The following DLGAP2 variants were observed in gnomAD, a reference collection of about 807,000 sequenced individuals.
The protein encoded by DLGAP2 is DLG associated protein 2.
DLGAP2 carries 26 observed loss-of-function variants against 100.3 expected under a neutral mutation model. The observed-to-expected ratio is 0.26, with a 90% CI of 0.19 to 0.36. The LOEUF is 0.36. Among genes scored for constraint, DLGAP2 ranks in the 10% least tolerant of loss-of-function variants. The pLI is 1.00. For missense variants in DLGAP2, 1,858 were observed against 1,453.2 expected, an observed-to-expected ratio of 1.28 and a Z score of -4.53; for synonymous variants, 886 against 630.1, an observed-to-expected ratio of 1.41 and a Z score of -6.08.
chr8:973,169 C>T lies in DLGAP2; in HGVS notation c.73+65203C>T, dbSNP rs570062626. Among the ~76,000 whole-genome samples, 4 of 152,280 alleles carry T rather than the reference C, an allele frequency of 2.6e-5. No homozygotes were observed. In the South Asian group the frequency reaches 8.3e-4, roughly 32 times the overall value. On this transcript the variant is annotated intron_variant, in intron 2 of 14. Coordinates refer to ENST00000637795, the MANE Select transcript of DLGAP2 (RefSeq NM_001346810.2). ...ATGGGGTGGCGGCAGGGCAGAGGGG[C>T]TCCTCACTTCCCAGAAGGGGCGGCC...
At chr8:977,800 T>G (rs13251136) in intron 2 of DLGAP2, among the ~76,000 whole-genome samples, 6,441 of 24,824 alleles carry the variant, frequency 0.26, 317 homozygotes, top group Admixed American at 0.35. Context: ...TGCAGTGAGG[T>G]GCTGGGTTCT....
intron 2 of DLGAP2, among the ~76,000 whole-genome samples, chr8:1,123,126 T>G (rs1353743240): frequency 6.6e-6 from 1 of 152,250 alleles, no homozygotes; most frequent in Non-Finnish European, 1.5e-5. Flanking sequence ...GAGAATAAGT[T>G]TCGCTCAGAA....
intron 2 of DLGAP2, among the ~76,000 whole-genome samples, chr8:1,135,171 A>G (rs1175603895): frequency 1.3e-5 from 2 of 152,172 alleles, no homozygotes; most frequent in East Asian, 3.9e-4. Flanking sequence ...ATAAAATTAC[A>G]AGTATAGGCA....
At chr8:836,220 C>A (rs1251185492) in intron 1 of DLGAP2, among the ~76,000 whole-genome samples, 1 of 152,216 alleles carries the variant, frequency 6.6e-6, no homozygotes, top group Non-Finnish European at 1.5e-5. Context: ...AAAGCCCCGG[C>A]CGCCTCCTGC....
At chr8:765,643 T>C (rs1342091000) in intron 1 of DLGAP2, among the ~76,000 whole-genome samples, 1 of 152,126 alleles carries the variant, frequency 6.6e-6, no homozygotes, top group East Asian at 1.9e-4. Context: ...TTTTGTATAA[T>C]ATAAACAAGG....
intron 3 of DLGAP2, among the ~76,000 whole-genome samples, chr8:1,477,131 A>T (rs1414274665): frequency 6.7e-6 from 1 of 149,900 alleles, no homozygotes; most frequent in Non-Finnish European, 1.5e-5. Flanking sequence ...AGAGGGCTTG[A>T]CCCACCTGCT....
intron 2 of DLGAP2, among the ~76,000 whole-genome samples, chr8:1,223,235 T>C (rs1798352299): frequency 6.6e-6 from 1 of 152,174 alleles, no homozygotes; most frequent in Admixed American, 6.5e-5. Flanking sequence ...CTTCCTCCCC[T>C]TTCAGCCAGG....
At chr8:1,605,068 C>T (rs766966873) in intron 6 of DLGAP2, among the ~76,000 whole-genome samples, 3 of 152,198 alleles carry the variant, frequency 2.0e-5, no homozygotes, top group African/African-American at 4.8e-5. Context: ...CAGCCAACCT[C>T]GGTGCCATCG....
chr8:931,550 G>A (rs1420367143), intron 2 of DLGAP2, among the ~76,000 whole-genome samples: 4 of 152,176 alleles, frequency 2.6e-5, no homozygotes, highest in Non-Finnish European at 4.4e-5. Context: ...TTGTCATGAT[G>A]TTCTTCCTGC....
intron 2 of DLGAP2, among the ~76,000 whole-genome samples, chr8:1,098,107 G>T (rs1804448862): frequency 6.6e-6 from 1 of 152,254 alleles, no homozygotes; most frequent in South Asian, 2.1e-4. Flanking sequence ...TCTGCTCTCA[G>T]CAAACGTTGG....
chr8:1,192,455 G>A (rs1047642099), intron 2 of DLGAP2, among the ~76,000 whole-genome samples: 4 of 152,050 alleles, frequency 2.6e-5, no homozygotes, highest in Non-Finnish European at 4.4e-5. Flanking sequence ...AGAATATGAT[G>A]TGTTGCTATG....
intron 1 of DLGAP2, among the ~76,000 whole-genome samples, chr8:848,351 C>G (rs567499580): frequency 8.2e-6 from 1 of 122,216 alleles, no homozygotes; most frequent in Non-Finnish European, 1.9e-5. Flanking sequence ...AGTATAGGAA[C>G]GTGCGGTGCC....
chr8:1,429,830 A>G (rs1584891984), intron 3 of DLGAP2, among the ~76,000 whole-genome samples: 2 of 150,804 alleles, frequency 1.3e-5, no homozygotes, highest in Admixed American at 6.6e-5. Flanking sequence ...CTTAAAAAAA[A>G]TAAGCAGTAT....
intron 2 of DLGAP2, among the ~76,000 whole-genome samples, chr8:1,206,792 G>A (rs1365288990): frequency 6.6e-6 from 1 of 152,150 alleles, no homozygotes; most frequent in African/African-American, 2.4e-5. Context: ...ACCATTCTTT[G>A]TCTGCACCTG....
intron 2 of DLGAP2, among the ~76,000 whole-genome samples, chr8:1,112,565 T>C (rs1348466671): frequency 6.6e-6 from 1 of 152,120 alleles, no homozygotes; most frequent in East Asian, 1.9e-4. Flanking sequence ...TTTAATAGGG[T>C]TGTTTTTCTC....
At chr8:763,254 G>A (rs1390378249) in intron 1 of DLGAP2, among the ~76,000 whole-genome samples, 1 of 152,166 alleles carries the variant, frequency 6.6e-6, no homozygotes. Flanking sequence ...TTCCCTTCGC[G>A]TGCTACTGCT....
intron 2 of DLGAP2, among the ~76,000 whole-genome samples, chr8:914,644 A>G (rs1422508831): frequency 6.6e-6 from 1 of 152,222 alleles, no homozygotes; most frequent in Non-Finnish European, 1.5e-5. Flanking sequence ...TTGCACGGTT[A>G]TAGATGGTGG....
At chr8:1,426,975 T>C (rs770050708) in intron 3 of DLGAP2, among the ~76,000 whole-genome samples, 1 of 152,348 alleles carries the variant, frequency 6.6e-6, no homozygotes, top group African/African-American at 2.4e-5. Flanking sequence ...TTGTGTCTTA[T>C]TGACAATTAA....
intron 1 of DLGAP2, among the ~76,000 whole-genome samples, chr8:829,804 A>G (rs569955210): frequency 3.5e-4 from 54 of 152,344 alleles, no homozygotes; most frequent in Admixed American, 8.5e-4. Flanking sequence ...TCTTGTGCCT[A>G]TTATAATAAC....
Sources: gnomAD v4.1 joint callset for allele counts (sites outside exome capture counted in the v4.1 genomes callset) on GRCh38, gnomAD v4.1.1 for gene constraint, MANE v1.5 for transcripts, NCBI Gene and HGNC (gene_info 2026-07-23, HGNC 2026-07-21) for gene names.